ASTN2: variants seen among roughly 807,000 people sequenced by gnomAD.
The protein encoded by ASTN2 is astrotactin-2.
ASTN2 carries 54 observed loss-of-function variants against 139.8 expected under a neutral mutation model. The ratio of observed to expected loss-of-function variants is 0.39; its 90% CI spans 0.31 to 0.48. ASTN2 has a LOEUF of 0.48. ASTN2 is among the 20% of genes least tolerant of loss of function. ASTN2 has a pLI of 0.95. For missense variants in ASTN2, 1,565 were observed against 1,725.1 expected (o/e 0.91, Z 1.64); for synonymous variants, 756 against 719.5 (o/e 1.05, Z -0.81).
intron 10 of ASTN2, 91 bp from the exon 11 acceptor site, chr9:116,863,824 TA>T: frequency 7.7e-7 from 1 of 1,300,364 alleles, no homozygotes; most frequent in Non-Finnish European, 1.0e-6. Context: ...TTTGAAACCA[TA>T]ACTTACTTAT....
chr9:117,398,690 T>C (rs1468717464), intron 1 of ASTN2, among the ~76,000 whole-genome samples: 1 of 152,164 alleles, frequency 6.6e-6, no homozygotes, highest in Non-Finnish European at 1.5e-5. Context: ...ATGGCCACCT[T>C]TGAGGAATGT....
At chr9:116,829,574 G>T (rs1356427526) in intron 11 of ASTN2, among the ~76,000 whole-genome samples, 1 of 152,020 alleles carries the variant, frequency 6.6e-6, no homozygotes, top group Admixed American at 6.6e-5. Flanking sequence ...GAGGAAAGAG[G>T]CACGTCTTCA....
At chr9:117,410,080 C>T (rs934251621) in intron 1 of ASTN2, among the ~76,000 whole-genome samples, 3 of 152,316 alleles carry the variant, frequency 2.0e-5, no homozygotes, top group East Asian at 1.9e-4. Flanking sequence ...ACAGATCACA[C>T]GCCTCTCCTG....
intron 5 of ASTN2, among the ~76,000 whole-genome samples, chr9:117,071,295 TG>T (rs890906356): frequency 3.5e-4 from 53 of 151,052 alleles, no homozygotes; most frequent in Admixed American, 3.0e-3. Flanking sequence ...GTGCCCCTGC[TG>T]GGGGGTGCCT....
intron 5 of ASTN2, among the ~76,000 whole-genome samples, chr9:117,074,688 T>C (rs528446999): frequency 3.7e-4 from 56 of 152,324 alleles, no homozygotes; most frequent in African/African-American, 1.3e-3. Context: ...GCTTTGATGG[T>C]GCAGGGTGCC....
chr9:116,833,410 C>T (rs549301661), intron 11 of ASTN2, among the ~76,000 whole-genome samples: 1 of 148,140 alleles, frequency 6.8e-6, no homozygotes, highest in Non-Finnish European at 1.5e-5. Flanking sequence ...TTCCTTCCTT[C>T]GGCTTCCTTT....
At chr9:116,701,880 G>GTT (rs11395772) in intron 16 of ASTN2, among the ~76,000 whole-genome samples, 7,649 of 133,144 alleles carry the variant, frequency 0.057, 226 homozygotes, top group Non-Finnish European at 0.064. Flanking sequence ...AGTTTTTTGG[G>GTT]TTTTTTTTTT....
intron 10 of ASTN2, among the ~76,000 whole-genome samples, chr9:116,937,068 G>T (rs1343611145): frequency 6.6e-6 from 1 of 152,084 alleles, no homozygotes; most frequent in Non-Finnish European, 1.5e-5. Flanking sequence ...GAGGATCCTG[G>T]GCTCAGCCAA....
intron 1 of ASTN2, among the ~76,000 whole-genome samples, chr9:117,315,602 A>C (rs561454619): frequency 2.6e-5 from 4 of 152,354 alleles, no homozygotes; most frequent in African/African-American, 9.6e-5. Flanking sequence ...GACATACAGC[A>C]GTTCTCAGTA....
At chr9:116,976,304 A>G in intron 8 of ASTN2, 116 bp from the exon 9 acceptor site, 1 of 796,930 alleles carries the variant, frequency 1.3e-6, no homozygotes, top group South Asian at 1.6e-5. Context: ...AGAAATAATT[A>G]TTGGGCAAGA....
intron 10 of ASTN2, among the ~76,000 whole-genome samples, chr9:116,928,851 T>C (rs956416682): frequency 1.3e-5 from 2 of 152,184 alleles, no homozygotes; most frequent in Non-Finnish European, 2.9e-5. Flanking sequence ...GAGTTTTTTA[T>C]GCATTTTTCA....
chr9:117,361,964 TTTTG>T (rs751196962), intron 1 of ASTN2, among the ~76,000 whole-genome samples: 6 of 142,814 alleles, frequency 4.2e-5, no homozygotes, highest in Admixed American at 1.4e-4. Context: ...ACATGCTTGG[TTTTG>T]TTTGTTTGTT....
chr9:116,693,443 AATT>A (rs1163039856), intron 16 of ASTN2, among the ~76,000 whole-genome samples: 1 of 152,216 alleles, frequency 6.6e-6, no homozygotes, highest in Non-Finnish European at 1.5e-5. Flanking sequence ...TATGGAATAT[AATT>A]ATGTAATTTT....
At chr9:116,941,133 C>A (rs1186948127) in intron 10 of ASTN2, among the ~76,000 whole-genome samples, 1 of 151,770 alleles carries the variant, frequency 6.6e-6, no homozygotes, top group Admixed American at 6.6e-5. Context: ...CAGAACAAAT[C>A]CCTTTCGCTG....
chr9:117,332,532 C>T (rs1828746441), intron 1 of ASTN2, among the ~76,000 whole-genome samples: 1 of 152,178 alleles, frequency 6.6e-6, no homozygotes, highest in Non-Finnish European at 1.5e-5. Context: ...CACCACTATA[C>T]TTCAGCCTGG....
At chr9:117,055,987 G>A (rs1839051349) in intron 5 of ASTN2, among the ~76,000 whole-genome samples, 1 of 152,178 alleles carries the variant, frequency 6.6e-6, no homozygotes, top group Admixed American at 6.5e-5. Context: ...GCCATGTTGA[G>A]AGTGGCCCTA....
At chr9:116,463,112 T>C (rs916041132) in intron 20 of ASTN2, among the ~76,000 whole-genome samples, 1 of 152,114 alleles carries the variant, frequency 6.6e-6, no homozygotes, top group Non-Finnish European at 1.5e-5. Flanking sequence ...ATTAAGTCTA[T>C]ACTTCAACAA....
chr9:116,746,027 A>G (rs144300893), intron 13 of ASTN2, among the ~76,000 whole-genome samples: 1 of 151,058 alleles, frequency 6.6e-6, no homozygotes, highest in Non-Finnish European at 1.5e-5. Flanking sequence ...AAGGCTGTCC[A>G]TATGGCTCAT....
intron 19 of ASTN2, among the ~76,000 whole-genome samples, chr9:116,592,705 G>C (rs187781098): frequency 3.2e-4 from 49 of 152,184 alleles, no homozygotes; most frequent in African/African-American, 1.1e-3. Context: ...ATCCCTAAAG[G>C]CTGAAAGTCA....
Sources: gnomAD v4.1 joint callset for allele counts (sites outside exome capture counted in the v4.1 genomes callset) on GRCh38, gnomAD v4.1.1 for gene constraint, MANE v1.5 for transcripts, NCBI Gene and HGNC (gene_info 2026-07-23, HGNC 2026-07-21) for gene names.